Variants in ANKS1B observed in about 807,000 individuals in gnomAD.
The protein encoded by ANKS1B is ankyrin repeat and sterile alpha motif domain containing 1B.
Under a neutral mutation model 148.3 loss-of-function variants are expected in ANKS1B, and 36 were observed. The observed-to-expected ratio is 0.24, with a 90% CI of 0.19 to 0.32. The LOEUF (loss-of-function observed/expected upper bound fraction) is 0.32, where lower values mean the gene tolerates loss of function less well. ANKS1B is among the 10% of genes least tolerant of loss of function. The pLI is 1.00. For synonymous variants in ANKS1B, 542 were observed against 560.8 expected (o/e 0.97, Z 0.47); for missense variants, 1,157 against 1,542.6 (o/e 0.75, Z 4.19).
At chr12:98,773,249 A>T in intron 24 of ANKS1B, 70 bp from the exon 25 acceptor site, 1 of 1,510,490 alleles carries the variant, frequency 6.6e-7, no homozygotes, top group South Asian at 1.4e-5. Flanking sequence ...CAAGACAAGT[A>T]ACCCAGGAAG....
intron 17 of ANKS1B, among the ~76,000 whole-genome samples, chr12:98,872,305 G>A (rs1255291147): frequency 6.6e-6 from 1 of 152,140 alleles, no homozygotes; most frequent in Non-Finnish European, 1.5e-5. Flanking sequence ...TTGGGAGGCC[G>A]AGGAGGGCAG....
intron 1 of ANKS1B, among the ~76,000 whole-genome samples, chr12:99,924,189 T>C (rs2094432329): frequency 6.6e-6 from 1 of 152,168 alleles, no homozygotes; most frequent in East Asian, 1.9e-4. Context: ...ACAAGATGGA[T>C]GGTGGTGGGC....
At chr12:99,742,837 CAAAAAA>C (rs57232737) in intron 8 of ANKS1B, among the ~76,000 whole-genome samples, 1 of 119,548 alleles carries the variant, frequency 8.4e-6, no homozygotes, top group Admixed American at 8.5e-5. Context: ...GACTCTGTCT[CAAAAAA>C]AAAAAAAAAA....
At chr12:99,319,381 T>G (rs1211568040) in intron 12 of ANKS1B, among the ~76,000 whole-genome samples, 2 of 152,352 alleles carry the variant, frequency 1.3e-5, no homozygotes, top group East Asian at 3.9e-4. Context: ...ATATTTAGGA[T>G]AGTTAGCTCT....
At chr12:99,669,223 T>A (rs188186036) in intron 8 of ANKS1B, among the ~76,000 whole-genome samples, 20 of 152,272 alleles carry the variant, frequency 1.3e-4, no homozygotes, top group Non-Finnish European at 2.5e-4. Context: ...TAGGCTGGAG[T>A]GCAGTCATAC....
chr12:99,011,170 C>T (rs2099939183), intron 17 of ANKS1B, among the ~76,000 whole-genome samples: 1 of 152,214 alleles, frequency 6.6e-6, no homozygotes, highest in African/African-American at 2.4e-5. Context: ...GATACCTTGG[C>T]TGAGCAGGCT....
intron 9 of ANKS1B, among the ~76,000 whole-genome samples, chr12:99,538,880 A>G (rs902794401): frequency 3.9e-5 from 6 of 152,156 alleles, no homozygotes; most frequent in Non-Finnish European, 7.4e-5. Context: ...TGGGTCTTTC[A>G]TATATGGCTT....
At chr12:99,097,173 C>G (rs558880196) in intron 15 of ANKS1B, 4 of 152,244 alleles carry the variant, frequency 2.6e-5, no homozygotes, top group African/African-American at 7.2e-5. Flanking sequence ...GTCTAAAGAT[C>G]ACTAAGTAAG....
rs1567122924 is a variant in ANKS1B, at chr12:99,449,899, CT to C, written c.1439-6091del. Among the ~76,000 whole-genome samples, 20 of 11,812 alleles carry C rather than the reference CT, an allele frequency of 1.7e-3. No homozygotes were observed. The South Asian group carries it at 0.047, about 28-fold the overall frequency. 7.7% of individuals were successfully genotyped at this position (11,812 alleles called of 152,430 possible). ...GGACCAACAGGATCTATCCATCTATCTATCTATCTATCTATCTATCTATCTA... is the reference window on the plus strand; with the variant it reads ...GGACCAACAGGATCTATCCATCTATCATCTATCTATCTATCTATCTATCTA... On this transcript the variant is annotated intron_variant, in intron 10 of 26. Transcript: ENST00000683438.
chr12:98,994,504 C>G (rs1387412042), intron 17 of ANKS1B, among the ~76,000 whole-genome samples: 1 of 152,150 alleles, frequency 6.6e-6, no homozygotes, highest in Non-Finnish European at 1.5e-5. Context: ...GTAATCTCAG[C>G]TACTCGGAAG....
At chr12:99,656,624 T>A (rs2098450923) in intron 8 of ANKS1B, among the ~76,000 whole-genome samples, 1 of 151,896 alleles carries the variant, frequency 6.6e-6, no homozygotes, top group South Asian at 2.1e-4. Flanking sequence ...ACCTCTAACA[T>A]CTGAACAAAA....
chr12:99,467,752 A>G (rs1293989797), intron 10 of ANKS1B, among the ~76,000 whole-genome samples: 1 of 152,218 alleles, frequency 6.6e-6, no homozygotes, highest in Non-Finnish European at 1.5e-5. Context: ...GGACCTCTTC[A>G]AGGAGAACTA....
At chr12:99,083,572 C>G (rs1346716619) in intron 16 of ANKS1B, among the ~76,000 whole-genome samples, 1 of 152,118 alleles carries the variant, frequency 6.6e-6, no homozygotes. Context: ...TTTTAATCAC[C>G]TTGAATTTTC....
At chr12:99,407,508 C>T (rs1432061339) in intron 11 of ANKS1B, among the ~76,000 whole-genome samples, 16 of 145,362 alleles carry the variant, frequency 1.1e-4, no homozygotes, top group Admixed American at 1.1e-3. Flanking sequence ...TACTGGAAGT[C>T]CTGGCTAGTA....
intron 10 of ANKS1B, among the ~76,000 whole-genome samples, chr12:99,465,133 A>G (rs2096075251): frequency 6.6e-6 from 1 of 152,244 alleles, no homozygotes; most frequent in African/African-American, 2.4e-5. Context: ...GTGGGGGCCA[A>G]TATTCAACAT....
At chr12:99,661,514 C>T (rs2098477404) in intron 8 of ANKS1B, among the ~76,000 whole-genome samples, 1 of 152,132 alleles carries the variant, frequency 6.6e-6, no homozygotes, top group African/African-American at 2.4e-5. Flanking sequence ...AATAAGCAAC[C>T]CGACCCTTGG....
chr12:98,882,025 A>T (rs939851407), intron 17 of ANKS1B, among the ~76,000 whole-genome samples: 2 of 152,142 alleles, frequency 1.3e-5, no homozygotes, highest in African/African-American at 2.4e-5. Context: ...TACTATGGAA[A>T]TTCACTGTTA....
rs2076739297 is a variant in ANKS1B at position 99,268,974 on chromosome 12, A to G, written c.1757-22110T>C. Among the ~76,000 whole-genome samples the G allele has an allele frequency of 2.0e-5, 3 of 152,272 alleles. No homozygotes were observed. The South Asian group carries it at 6.2e-4, about 31-fold the overall frequency. ...TATACTCCTTATTAATTCATTGTGC[A>G]TAAAATCAGGTGTCATTGGTTGTAT... On this transcript the variant is annotated intron_variant, in intron 12 of 26. Transcript: ENST00000683438.
intron 24 of ANKS1B, among the ~76,000 whole-genome samples, chr12:98,775,291 C>G (rs930197417): frequency 6.6e-6 from 1 of 152,140 alleles, no homozygotes; most frequent in Non-Finnish European, 1.5e-5. Flanking sequence ...CTGAATCTTG[C>G]CAACTCATGG....
Sources: gnomAD v4.1 joint callset for allele counts (sites outside exome capture counted in the v4.1 genomes callset) on GRCh38, gnomAD v4.1.1 for gene constraint, MANE v1.5 for transcripts, NCBI Gene and HGNC (gene_info 2026-07-23, HGNC 2026-07-21) for gene names.